The following RBL1 variants were observed in gnomAD, a reference collection of about 807,000 sequenced individuals.
The protein encoded by RBL1 is retinoblastoma-like protein 1.
In RBL1, 82 loss-of-function variants were observed where a neutral mutation model predicts 123.0. The observed-to-expected ratio is 0.67, with a 90% CI of 0.56 to 0.80. The LOEUF (loss-of-function observed/expected upper bound fraction) is 0.80. Among genes scored for constraint, RBL1 ranks in the 30% least tolerant of loss-of-function variants. The pLI, the probability that RBL1 is intolerant of heterozygous loss-of-function variation, is 0.00. For synonymous variants in RBL1, 405 were observed against 441.3 expected, an observed-to-expected ratio of 0.92 and a Z score of 1.03; for missense variants, 1,171 against 1,299.6, an observed-to-expected ratio of 0.90 and a Z score of 1.52.
chr20:37,014,541 G>A (rs532461996), intron 19 of RBL1, among the ~76,000 whole-genome samples: 56 of 151,968 alleles, frequency 3.7e-4, no homozygotes, highest in African/African-American at 1.1e-3. Context: ...ACTCACGCCT[G>A]TAATCCCAGC....
Position 37,044,145 on chromosome 20 carries a change from C to T in RBL1, c.1711G>A (p.Asp571Asn), listed in dbSNP as rs543244583. ...TGGAGAGCCTCCCACAGTGCAGAAT[C>T]GTGACTCCATGCTAAACTCTCCAAA... Reference protein sequence around the residue: ...QILESLAWSHDSALWEALQVS... With the variant: ...QILESLAWSHNSALWEALQVS... Residue 571 changes from aspartate (D) to asparagine (N), a missense_variant, in exon 13 of 22, where the codon GAT (aspartate) becomes AAT (asparagine). By Grantham distance (23) the Asp-to-Asn change is conservative. Coordinates refer to ENST00000373664, the MANE Select transcript of RBL1 (RefSeq NM_002895.5). 4 of 1,610,662 alleles carry T rather than the reference C, an allele frequency of 2.5e-6. No homozygotes were observed. The highest frequency in any genetic ancestry group is 1.1e-5 in the South Asian group (1 of 90,936).
At chr20:37,067,766 C>CAAAAAAAAAAAAAAAAAAAAA (rs1168742059) in intron 3 of RBL1, among the ~76,000 whole-genome samples, 1 of 62,688 alleles carries the variant, frequency 1.6e-5, no homozygotes, top group Non-Finnish European at 3.0e-5. Context: ...TGAGACTCCT[C>CAAAAAAAAAAAAAAAAAAAAA]AAAAAAAAAA....
intron 18 of RBL1, among the ~76,000 whole-genome samples, chr20:37,020,050 G>A (rs1249958159): frequency 5.3e-5 from 8 of 150,110 alleles, no homozygotes; most frequent in Admixed American, 5.3e-4. Flanking sequence ...AAAAAATAAA[G>A]TCATATAATT....
intron 9 of RBL1, among the ~76,000 whole-genome samples, chr20:37,059,545 T>C (rs976778871): frequency 2.0e-5 from 3 of 152,168 alleles, no homozygotes; most frequent in Admixed American, 6.6e-5. Flanking sequence ...GTATGACTTT[T>C]TATCTGTCTG....
chr20:37,030,989 T>C (rs907627831), intron 16 of RBL1, among the ~76,000 whole-genome samples: 2 of 151,984 alleles, frequency 1.3e-5, no homozygotes, highest in Non-Finnish European at 2.9e-5. Flanking sequence ...GAGGCTGCAG[T>C]GAGCTGTGAC....
intron 2 of RBL1, 95 bp from the exon 3 acceptor site, chr20:37,068,281 T>C: frequency 6.9e-7 from 1 of 1,444,692 alleles, no homozygotes; most frequent in Non-Finnish European, 9.1e-7. Flanking sequence ...AGACTCTTTA[T>C]TAAAAAGCCA....
intron 13 of RBL1, among the ~76,000 whole-genome samples, chr20:37,042,904 CT>C (rs201887825): frequency 0.31 from 23,900 of 77,602 alleles, 5,046 homozygotes; most frequent in East Asian, 0.5. Flanking sequence ...GTCCCCCCCC[CT>C]CCAAAAAAAA....
chr20:37,005,266 G>C (rs985031454), intron 20 of RBL1, among the ~76,000 whole-genome samples: 1 of 152,010 alleles, frequency 6.6e-6, no homozygotes, highest in Admixed American at 6.6e-5. Context: ...AATCAGCTGG[G>C]CGTGGTGACA....
At chr20:37,050,339 C>T (rs1020511647) in intron 11 of RBL1, among the ~76,000 whole-genome samples, 1 of 151,434 alleles carries the variant, frequency 6.6e-6, no homozygotes, top group African/African-American at 2.4e-5. Context: ...GTCAGGAGAT[C>T]GAGACCATCC....
At chr20:37,055,459 G>T in intron 11 of RBL1, 94 bp downstream of exon 11, 1 of 1,580,006 alleles carries the variant, frequency 6.3e-7, no homozygotes, top group Non-Finnish European at 8.6e-7. Context: ...TCATAGATTG[G>T]TGACTCCCAC....
At chr20:37,027,363 T>C (rs887264512) in intron 16 of RBL1, among the ~76,000 whole-genome samples, 1 of 151,896 alleles carries the variant, frequency 6.6e-6, no homozygotes, top group Non-Finnish European at 1.5e-5. Flanking sequence ...AAAAGAATGA[T>C]TAGTAGAGAA....
chr20:37,020,452 G>A (rs1466687948), intron 18 of RBL1, among the ~76,000 whole-genome samples: 1 of 152,132 alleles, frequency 6.6e-6, no homozygotes, highest in Non-Finnish European at 1.5e-5. Flanking sequence ...GTATATGAAA[G>A]TATATGGATG....
chr20:37,085,426 G>A (rs1304897576), intron 2 of RBL1, among the ~76,000 whole-genome samples: 3 of 152,026 alleles, frequency 2.0e-5, no homozygotes, highest in East Asian at 1.9e-4. Flanking sequence ...GTGAGCCACT[G>A]TGCGTGGCCA....
intron 16 of RBL1, among the ~76,000 whole-genome samples, chr20:37,031,528 A>C (rs1014579134): frequency 6.6e-6 from 1 of 152,168 alleles, no homozygotes; most frequent in Non-Finnish European, 1.5e-5. Flanking sequence ...GGCCATTATC[A>C]AAAAAACAAA....
intron 14 of RBL1, among the ~76,000 whole-genome samples, chr20:37,039,092 G>A (rs542124662): frequency 1.5e-4 from 23 of 152,134 alleles, no homozygotes; most frequent in East Asian, 1.9e-4. Flanking sequence ...AAATCCAAGC[G>A]CTATATAATC....
chr20:36,999,221 A>G (rs2063923680), intron 21 of RBL1, among the ~76,000 whole-genome samples: 1 of 151,982 alleles, frequency 6.6e-6, no homozygotes, highest in African/African-American at 2.4e-5. Context: ...AGCCTGGGCA[A>G]CATGGCAAAC....
Position 37,055,598 on chromosome 20 carries a change from A to T in RBL1, c.1422T>A (p.Thr474=). The T allele has an allele frequency of 6.2e-7, 1 of 1,614,148 alleles. No homozygotes were observed. The highest frequency in any genetic ancestry group is 8.5e-7 in the Non-Finnish European group (1 of 1,180,024). Residue 474 remains threonine (T), a synonymous_variant, in exon 11 of 22, where the codon ACT becomes ACA. Coordinates refer to ENST00000373664, the MANE Select transcript of RBL1 (RefSeq NM_002895.5). ...GTCTTCGTGTTTCCTGAACCATTAC[A>T]GTCTCTAGTATTTTATAATACAAAA... is the stretch of plus-strand genomic sequence containing the variant. ...AEILYYKILE[T]VMVQETRRLH... is the part of the protein sequence containing the mutation.
intron 2 of RBL1, among the ~76,000 whole-genome samples, chr20:37,070,797 C>T (rs2065270961): frequency 6.6e-6 from 1 of 152,072 alleles, no homozygotes; most frequent in African/African-American, 2.4e-5. Flanking sequence ...ATTCTGGGTA[C>T]ATTTTTTTAT....
At chr20:37,001,771 GAAA>G (rs1241710765) in intron 21 of RBL1, among the ~76,000 whole-genome samples, 1 of 109,614 alleles carries the variant, frequency 9.1e-6, no homozygotes, top group Non-Finnish European at 2.0e-5. Flanking sequence ...AAAAAAAATG[GAAA>G]AAAAAAAAAA....
Sources: gnomAD v4.1 joint callset for allele counts (sites outside exome capture counted in the v4.1 genomes callset) on GRCh38, gnomAD v4.1.1 for gene constraint, MANE v1.5 for transcripts, NCBI Gene and HGNC (gene_info 2026-07-23, HGNC 2026-07-21) for gene names.